GRM7: variants seen among roughly 807,000 people sequenced by gnomAD.
GRM7 encodes glutamate metabotropic receptor 7.
In GRM7, 35 loss-of-function variants were observed where a neutral mutation model predicts 84.5. The ratio of observed to expected loss-of-function variants is 0.41; its 90% CI spans 0.32 to 0.55. The LOEUF is 0.55. GRM7 is among the 20% of genes least tolerant of loss of function. The pLI is 0.19. For missense variants in GRM7, 1,003 were observed against 1,194.6 expected (o/e 0.84, Z 2.36); for synonymous variants, 487 against 455.1 (o/e 1.07, Z -0.89).
intron 1 of GRM7, among the ~76,000 whole-genome samples, chr3:7,132,619 CCTT>C (rs1693640640): frequency 2.0e-5 from 3 of 152,224 alleles, no homozygotes; most frequent in African/African-American, 7.2e-5. Flanking sequence ...TAGCTTACCT[CCTT>C]TTATAAGAAT....
rs1696135871 is a variant in GRM7, at chr3:7,598,060, G to T, written c.2451+18703G>T. ...CCTTGACCCTAGGATACAGGTATTTGTTTCCTGGCAAACAGTGAAATTTGC... is the reference window on the plus strand; with the variant it reads ...CCTTGACCCTAGGATACAGGTATTTTTTTCCTGGCAAACAGTGAAATTTGC... On this transcript the variant is annotated intron_variant, in intron 8 of 9. Coordinates refer to ENST00000357716, the MANE Select transcript of GRM7 (RefSeq NM_000844.4). Among the ~76,000 whole-genome samples, 3 of 152,266 alleles carry T rather than the reference G, an allele frequency of 2.0e-5. No homozygotes were observed. The South Asian group carries it at 6.2e-4, about 32-fold the overall frequency.
chr3:6,982,399 T>G (rs1175508131), intron 1 of GRM7, among the ~76,000 whole-genome samples: 1 of 152,138 alleles, frequency 6.6e-6, no homozygotes, highest in Admixed American at 6.5e-5. Flanking sequence ...CTCAGTGACA[T>G]TTTGATCAGT....
intron 1 of GRM7, among the ~76,000 whole-genome samples, chr3:7,106,169 G>T (rs775116133): frequency 2.0e-4 from 31 of 151,532 alleles, no homozygotes; most frequent in Admixed American, 4.6e-4. Flanking sequence ...ATATCTAAAA[G>T]AAAAATATTA....
At chr3:6,886,979 A>T (rs1695720611) in intron 1 of GRM7, among the ~76,000 whole-genome samples, 1 of 152,016 alleles carries the variant, frequency 6.6e-6, no homozygotes, top group Non-Finnish European at 1.5e-5. Context: ...TACTCCAAAC[A>T]TAATTTTTAA....
At chr3:7,710,225 T>C (rs184961882) in intron 9 of GRM7, among the ~76,000 whole-genome samples, 2 of 152,258 alleles carry the variant, frequency 1.3e-5, no homozygotes, top group Non-Finnish European at 2.9e-5. Flanking sequence ...AAAAGTACAT[T>C]AGATATCTGT....
intron 7 of GRM7, among the ~76,000 whole-genome samples, chr3:7,554,639 A>G (rs1288743727): frequency 6.6e-6 from 1 of 152,208 alleles, no homozygotes; most frequent in African/African-American, 2.4e-5. Context: ...TAGTGTGGGC[A>G]GACAGTAGGG....
At chr3:7,270,680 G>C (rs891439760) in intron 2 of GRM7, among the ~76,000 whole-genome samples, 2 of 151,348 alleles carry the variant, frequency 1.3e-5, no homozygotes, top group Admixed American at 1.3e-4. Context: ...CGCAGTTACG[G>C]ATGCTCGCCA....
chr3:7,058,053 C>G (rs1261485503), intron 1 of GRM7, among the ~76,000 whole-genome samples: 1 of 151,864 alleles, frequency 6.6e-6, no homozygotes, highest in East Asian at 1.9e-4. Flanking sequence ...CAATCTGTAA[C>G]TTTTATGTGT....
At chr3:6,981,516 C>G (rs971928958) in intron 1 of GRM7, among the ~76,000 whole-genome samples, 11 of 152,152 alleles carry the variant, frequency 7.2e-5, no homozygotes, top group Admixed American at 2.6e-4. Flanking sequence ...CTACCTTGAG[C>G]ACAAGACTTG....
chr3:7,161,312 A>G (rs774283698), intron 2 of GRM7, among the ~76,000 whole-genome samples: 1 of 151,652 alleles, frequency 6.6e-6, no homozygotes, highest in Non-Finnish European at 1.5e-5. Flanking sequence ...TTCCTTAGAT[A>G]TTGGGGTTTT....
chr3:7,130,112 A>G (rs924350994), intron 1 of GRM7, among the ~76,000 whole-genome samples: 5 of 152,212 alleles, frequency 3.3e-5, no homozygotes, highest in Non-Finnish European at 7.3e-5. Flanking sequence ...TGACTCGGTT[A>G]GCACTAACAT....
chr3:7,580,311 A>C (rs1695187005), intron 8 of GRM7, among the ~76,000 whole-genome samples: 1 of 152,216 alleles, frequency 6.6e-6, no homozygotes, highest in Non-Finnish European at 1.5e-5. Flanking sequence ...TCTAACTGAC[A>C]TACTCTGCAA....
chr3:7,177,044 A>C (rs977684954), intron 2 of GRM7, among the ~76,000 whole-genome samples: 1 of 152,166 alleles, frequency 6.6e-6, no homozygotes, highest in Non-Finnish European at 1.5e-5. Flanking sequence ...ATAGACTCCA[A>C]ATTTTTCTGA....
chr3:7,312,665 C>A (rs901516992), intron 4 of GRM7, among the ~76,000 whole-genome samples: 1 of 152,114 alleles, frequency 6.6e-6, no homozygotes, highest in Non-Finnish European at 1.5e-5. Context: ...CTTACCCAAC[C>A]TTCCCTGCAG....
chr3:7,444,816 C>G (rs955321763), intron 5 of GRM7, among the ~76,000 whole-genome samples: 3 of 152,078 alleles, frequency 2.0e-5, no homozygotes. Flanking sequence ...GATGAATAGC[C>G]CCCCAGGAAG....
chr3:7,570,627 A>G lies in GRM7; in HGVS notation c.1516-7795A>G, dbSNP rs750764368. Among the ~76,000 whole-genome samples the G allele has an allele frequency of 1.5e-4, 23 of 152,104 alleles. 1 individual carries two copies. Among genetic ancestry groups the G allele is most frequent in the South Asian group, 2.1e-4 (1 of 4,820 alleles). On this transcript the variant is annotated intron_variant, in intron 7 of 9. Coordinates refer to ENST00000357716, the MANE Select transcript of GRM7 (RefSeq NM_000844.4). The stretch of plus-strand genomic sequence containing the variant: ...CACAGCCTTCCTTCTGGCTGCTTTC[A>G]TGGGCTGGCATTGAGGGTCTGTGGC...
intron 7 of GRM7, among the ~76,000 whole-genome samples, chr3:7,562,047 G>A (rs1356978367): frequency 6.6e-6 from 1 of 152,064 alleles, no homozygotes; most frequent in African/African-American, 2.4e-5. Flanking sequence ...TGTTTCCTCA[G>A]GTTATCTGTT....
At chr3:7,684,393 G>GTAAA (rs1444172952) in intron 9 of GRM7, among the ~76,000 whole-genome samples, 1 of 152,162 alleles carries the variant, frequency 6.6e-6, no homozygotes, top group Non-Finnish European at 1.5e-5. Context: ...GAGCTACAAA[G>GTAAA]TAAATAGTGG....
intron 1 of GRM7, among the ~76,000 whole-genome samples, chr3:7,064,479 T>TATATATATATATATATATATACACAC: frequency 4.0e-5 from 4 of 99,380 alleles, no homozygotes; most frequent in African/African-American, 1.6e-4. Context: ...TATATATATA[T>TATATATATATATATATATATACACAC]ACACACATAT....
Sources: gnomAD v4.1 joint callset for allele counts (sites outside exome capture counted in the v4.1 genomes callset) on GRCh38, gnomAD v4.1.1 for gene constraint, MANE v1.5 for transcripts, NCBI Gene and HGNC (gene_info 2026-07-23, HGNC 2026-07-21) for gene names.